The following RNGTT variants were observed in gnomAD, a reference collection of about 807,000 sequenced individuals.
RNGTT encodes mRNA-capping enzyme.
A neutral mutation model predicts 79.3 loss-of-function variants in RNGTT; 33 were observed. The observed-to-expected ratio is 0.42, with a 90% confidence interval of 0.32 to 0.56. The LOEUF (loss-of-function observed/expected upper bound fraction) is 0.56. Ranked by LOEUF, RNGTT falls within the 20% of genes least tolerant of loss-of-function variation. The pLI is 0.17. For synonymous variants in RNGTT, 222 were observed against 235.9 expected, an observed-to-expected ratio of 0.94 and a Z score of 0.54; for missense variants, 497 against 739.1, an observed-to-expected ratio of 0.67 and a Z score of 3.80.
At chr6:88,891,076 C>T (rs1783034370) in intron 7 of RNGTT, among the ~76,000 whole-genome samples, 1 of 151,998 alleles carries the variant, frequency 6.6e-6, no homozygotes, top group African/African-American at 2.4e-5. Flanking sequence ...AGGCTTAACA[C>T]AACATTAAAA....
intron 13 of RNGTT, among the ~76,000 whole-genome samples, chr6:88,707,154 G>C (rs535485496): frequency 9.9e-5 from 15 of 152,180 alleles, no homozygotes; most frequent in South Asian, 2.1e-4. Flanking sequence ...CAGTCAATAA[G>C]ATGAGTAAAT....
chr6:88,787,681 G>T (rs1358914620), intron 12 of RNGTT, among the ~76,000 whole-genome samples: 2 of 151,806 alleles, frequency 1.3e-5, no homozygotes, highest in East Asian at 1.9e-4. Flanking sequence ...AAAAAAAGGA[G>T]TGAAGAAAAG....
intron 11 of RNGTT, among the ~76,000 whole-genome samples, chr6:88,825,440 A>G (rs1407427628): frequency 6.6e-6 from 1 of 152,242 alleles, no homozygotes; most frequent in Non-Finnish European, 1.5e-5. Context: ...ACTTTCACTA[A>G]GTTATCTAAA....
At chr6:88,729,998 G>A (rs940082179) in intron 13 of RNGTT, among the ~76,000 whole-genome samples, 2 of 152,110 alleles carry the variant, frequency 1.3e-5, no homozygotes, top group Non-Finnish European at 2.9e-5. Flanking sequence ...TGGTGCAGAG[G>A]CTCATAAAAA....
intron 8 of RNGTT, among the ~76,000 whole-genome samples, chr6:88,870,511 C>CAAAA (rs751016965): frequency 4.4e-5 from 4 of 91,724 alleles, no homozygotes; most frequent in Non-Finnish European, 7.1e-5. Flanking sequence ...CAATTAAGAG[C>CAAAA]AAAAAAAAAA....
chr6:88,963,527 G>T lies in RNGTT; in HGVS notation c.-118C>A. On this transcript the variant is annotated 5_prime_UTR_variant, in exon 1 of 16. Coordinates refer to ENST00000369485, the MANE Select transcript of RNGTT (RefSeq NM_003800.5). ...GACACCCGAATCGCAGCCGTAATCT[G>T]AATTCCAACCTCTCCGATCCGGGTA... The T allele has an allele frequency of 1.0e-6, 1 of 957,432 alleles. No homozygotes were observed. The highest frequency in any genetic ancestry group is 1.5e-6 in the Non-Finnish European group (1 of 675,066). The allele number at this position is 957,432 out of a possible 1,614,324, so 59.3% of individuals were successfully genotyped here.
At chr6:88,858,089 G>A (rs779595059) in intron 8 of RNGTT, among the ~76,000 whole-genome samples, 1 of 152,014 alleles carries the variant, frequency 6.6e-6, no homozygotes, top group Non-Finnish European at 1.5e-5. Context: ...CTGTCATACA[G>A]CCTCCATACT....
At chr6:88,780,045 T>A (rs1317123155) in intron 12 of RNGTT, among the ~76,000 whole-genome samples, 1 of 152,178 alleles carries the variant, frequency 6.6e-6, no homozygotes, top group Non-Finnish European at 1.5e-5. Context: ...AAGAATACTG[T>A]AGCTCCCAGT....
intron 6 of RNGTT, among the ~76,000 whole-genome samples, chr6:88,898,338 TA>T (rs1409521878): frequency 6.6e-6 from 1 of 152,188 alleles, no homozygotes; most frequent in African/African-American, 2.4e-5. Context: ...CTATTTCTCA[TA>T]TTTTACATTT....
At chr6:88,848,020 T>C (rs887845892) in intron 10 of RNGTT, among the ~76,000 whole-genome samples, 1 of 149,588 alleles carries the variant, frequency 6.7e-6, no homozygotes, top group Non-Finnish European at 1.5e-5. Context: ...GACAACCAAA[T>C]AGGAAAAACA....
chr6:88,648,803 C>T (rs1444130497), intron 14 of RNGTT, among the ~76,000 whole-genome samples: 1 of 152,192 alleles, frequency 6.6e-6, no homozygotes, highest in African/African-American at 2.4e-5. Context: ...ACATTTATAA[C>T]CAATTCTAGG....
intron 14 of RNGTT, among the ~76,000 whole-genome samples, chr6:88,618,762 T>C (rs1390261139): frequency 1.3e-5 from 2 of 152,174 alleles, no homozygotes; most frequent in Admixed American, 1.3e-4. Context: ...TAAGAAACTA[T>C]CAGATGAAAA....
chr6:88,630,440 T>A (rs991371912), intron 14 of RNGTT, among the ~76,000 whole-genome samples: 1 of 152,224 alleles, frequency 6.6e-6, no homozygotes, highest in African/African-American at 2.4e-5. Flanking sequence ...TAAATTTGCA[T>A]ATAGTCATGC....
At chr6:88,878,116 G>A (rs1381878443) in intron 8 of RNGTT, among the ~76,000 whole-genome samples, 1 of 147,984 alleles carries the variant, frequency 6.8e-6, no homozygotes, top group Non-Finnish European at 1.5e-5. Flanking sequence ...TTATTTTTGA[G>A]ACAGGATCTT....
chr6:88,853,760 T>G lies in RNGTT; in HGVS notation c.901A>C (p.Met301Leu). 6.5e-7 allele frequency: 1 copy of G among 1,537,232 alleles called. No homozygotes were observed. The highest frequency in any genetic ancestry group is 1.2e-5 in the South Asian group (1 of 86,048). ...TCATTTGTGCCATCAATCAACATCATGTACCTGTAAATGAAACATTAAAAA... is the reference window on the plus strand; with the variant it reads ...TCATTTGTGCCATCAATCAACATCAGGTACCTGTAAATGAAACATTAAAAA... ...VSWKADGTRY[M>L]MLIDGTNEVF... Residue 301 changes from methionine to leucine, a missense_variant, in exon 9 of 16, where the codon ATG becomes CTG. Met to Leu is a conservative substitution (Grantham distance 15). Transcript: ENST00000369485.
intron 13 of RNGTT, among the ~76,000 whole-genome samples, chr6:88,694,133 T>C (rs1775575962): frequency 6.6e-6 from 1 of 152,088 alleles, no homozygotes; most frequent in Non-Finnish European, 1.5e-5. Context: ...AGAAAAGGCA[T>C]CCAAATAGGA....
intron 8 of RNGTT, among the ~76,000 whole-genome samples, chr6:88,884,278 A>G (rs537343626): frequency 6.6e-6 from 1 of 152,344 alleles, no homozygotes; most frequent in East Asian, 1.9e-4. Context: ...GTCGTTGAAT[A>G]AACTACTCAC....
At chr6:88,717,376 G>T (rs992413276) in intron 13 of RNGTT, among the ~76,000 whole-genome samples, 1 of 152,278 alleles carries the variant, frequency 6.6e-6, no homozygotes, top group South Asian at 2.1e-4. Context: ...AAATCACAAA[G>T]ATCTCAGATG....
chr6:88,754,519 T>C (rs13200255), intron 13 of RNGTT, among the ~76,000 whole-genome samples: 1 of 152,082 alleles, frequency 6.6e-6, no homozygotes, highest in African/African-American at 2.4e-5. Context: ...AAAAACCAGA[T>C]TTGAGCCCCA....
Sources: gnomAD v4.1 joint callset for allele counts (sites outside exome capture counted in the v4.1 genomes callset) on GRCh38, gnomAD v4.1.1 for gene constraint, MANE v1.5 for transcripts, NCBI Gene and HGNC (gene_info 2026-07-23, HGNC 2026-07-21) for gene names.